The following ZFP64 variants were observed in gnomAD, a reference collection of about 807,000 sequenced individuals.
ZFP64 encodes zinc finger protein 64.
Under a neutral mutation model 51.6 loss-of-function variants are expected in ZFP64, and 14 were observed. That is an observed-to-expected ratio of 0.27 (90% CI 0.18 to 0.42). The LOEUF (loss-of-function observed/expected upper bound fraction) is 0.42, where lower values mean the gene tolerates loss of function less well. ZFP64 is among the 10% of genes least tolerant of loss of function. ZFP64 has a pLI of 1.00. For missense variants in ZFP64, 754 were observed against 906.8 expected, an observed-to-expected ratio of 0.83 and a Z score of 2.16; for synonymous variants, 375 against 361.4, an observed-to-expected ratio of 1.04 and a Z score of -0.43.
At chr20:52,146,863 C>CTTCCAGATAAGATATTA (rs531564063), downstream of ZFP64, among the ~76,000 whole-genome samples, 12 of 152,180 alleles carry the variant, frequency 7.9e-5, no homozygotes, top group South Asian at 2.5e-3. Context: ...TATTAGAAAA[C>CTTCCAGATAAGATATTA]GAAATCCAGC....
At chr20:52,116,908 A>G (rs1482438975) in intron 5 of ZFP64, among the ~76,000 whole-genome samples, 2 of 152,094 alleles carry the variant, frequency 1.3e-5, no homozygotes, top group Non-Finnish European at 2.9e-5. Context: ...TGCCTCTACT[A>G]AAAATACAAA....
rs1177006389 is a variant in ZFP64, at chr20:52,160,339, A to G, written c.547T>C (p.Cys183Arg). The G allele has an allele frequency of 5.6e-6, 9 of 1,614,116 alleles. No individual in the cohort carries two copies. The Admixed American group carries it at 1.5e-4, about 27-fold the overall frequency. The change falls in exon 5 of 6, where the codon TGC becomes CGC. Residue 183 changes from cysteine to arginine, a missense_variant. By Grantham distance (180) the Cys-to-Arg change is radical. Around this residue, in one of 3 missense-constraint regions of ZFP64, gnomAD observed 231 missense variants for 336.7 expected, o/e 0.69. Transcript: ENST00000216923. This position sits in a 1 kb window ranked among gnomAD's most constrained non-coding sequence, Gnocchi z 4.2. ...KPHKCEVCGK[C>R]FSRKDKLKTH... Reference sequence around the variant, plus strand: ...TTCAGCTTGTCTTTCCGGCTAAAGCACTTGCCACAGACTTCACACTTATGG... The same window carrying G: ...TTCAGCTTGTCTTTCCGGCTAAAGCGCTTGCCACAGACTTCACACTTATGG...
chr20:52,095,651 G>A (rs1452666058), intron 7 of ZFP64, among the ~76,000 whole-genome samples: 4 of 152,170 alleles, frequency 2.6e-5, no homozygotes, highest in Non-Finnish European at 5.9e-5. Flanking sequence ...AGGCGCGTCT[G>A]CTTACCTGAC....
intron 5 of ZFP64, among the ~76,000 whole-genome samples, chr20:52,111,405 G>C (rs1237572355): frequency 6.6e-6 from 1 of 151,672 alleles, no homozygotes; most frequent in Non-Finnish European, 1.5e-5. Flanking sequence ...TAGTAGAGAC[G>C]GGTTTCTCCA....
intron 5 of ZFP64, among the ~76,000 whole-genome samples, chr20:52,131,532 T>G (rs980230799): frequency 6.6e-6 from 1 of 152,128 alleles, no homozygotes; most frequent in South Asian, 2.1e-4. Flanking sequence ...AAAAAGATAT[T>G]CTATGCCAAT....
chr20:52,151,441 G>A lies in ZFP64; in HGVS notation c.*705C>T. On this transcript the variant is annotated 3_prime_UTR_variant, in exon 6 of 6. Transcript: ENST00000216923. Reference sequence around the variant, plus strand: ...AAACATGAACACCCCCAAACTCTGGGGAGTATTCCAGAATGGGGCAAAAGA... The same window carrying A: ...AAACATGAACACCCCCAAACTCTGGAGAGTATTCCAGAATGGGGCAAAAGA... 1 of 985,256 alleles carries A rather than the reference G, an allele frequency of 1.0e-6. No homozygotes were observed. Among genetic ancestry groups the A allele is most frequent in the South Asian group, 4.7e-5 (1 of 21,278 alleles). The allele number at this position is 985,256 out of a possible 1,614,324, so 61.0% of individuals were successfully genotyped here. A position where few individuals can be genotyped will look rare whatever the true frequency, so the allele number is the denominator to read the frequency against.
intron 2 of ZFP64, chr20:52,175,865 C>G: frequency 7.6e-5 from 51 of 675,248 alleles, no homozygotes; most frequent in Non-Finnish European, 8.4e-5. Context: ...CCCGCTGCCG[C>G]CCCCGCCCCC....
Position 52,141,541 on chromosome 20 carries a change from C to T in ZFP64, c.763+18582G>A, listed in dbSNP as rs8120974. Among the ~76,000 whole-genome samples, 613 of 152,086 alleles carry T rather than the reference C, an allele frequency of 4.0e-3. 6 individuals carry two copies. The highest frequency in any genetic ancestry group is 0.014 in the African/African-American group (572 of 41,496). On this transcript the variant is annotated intron_variant, in intron 5 of 8. Transcript: ENST00000361387. ...AAGACCTCAGTGGAGGAAGTAACTG[C>T]AGAGATGGTAGAGATTGCAAGAGAA... is the stretch of plus-strand genomic sequence containing the variant.
intron 5 of ZFP64, among the ~76,000 whole-genome samples, chr20:52,138,058 C>CATAAATAAAT (rs1568671772): frequency 1.0e-3 from 61 of 61,088 alleles, no homozygotes; most frequent in Non-Finnish European, 1.6e-3. Context: ...AATAAATAAG[C>CATAAATAAAT]AAGCCAGGCA....
chr20:52,159,990 C>G (rs1354989975), intron 5 of ZFP64, 133 bp downstream of exon 5: 2 of 1,475,386 alleles, frequency 1.4e-6, no homozygotes, highest in African/African-American at 2.8e-5. Context: ...CAAAAAAAAA[C>G]AAAACTGCAA....
chr20:52,104,918 G>A (rs1297261648), intron 5 of ZFP64: 3 of 662,278 alleles, frequency 4.5e-6, no homozygotes, highest in South Asian at 3.5e-5. Flanking sequence ...GTGGCTAGAG[G>A]AATCCAGGCG....
At chr20:52,140,958 A>G (rs1306709892) in intron 5 of ZFP64, among the ~76,000 whole-genome samples, 1 of 152,140 alleles carries the variant, frequency 6.6e-6, no homozygotes, top group East Asian at 1.9e-4. Flanking sequence ...CAAAAATCCT[A>G]AGGCCCTTAA....
chr20:52,125,422 C>T (rs1328660664), intron 5 of ZFP64, among the ~76,000 whole-genome samples: 1 of 152,190 alleles, frequency 6.6e-6, no homozygotes, highest in African/African-American at 2.4e-5. Flanking sequence ...AGGTGGCATA[C>T]TGGAACTGAT....
At chr20:52,118,484 C>T (rs1266622698) in intron 5 of ZFP64, among the ~76,000 whole-genome samples, 2 of 152,150 alleles carry the variant, frequency 1.3e-5, no homozygotes, top group Non-Finnish European at 2.9e-5. Flanking sequence ...AGAATGAATT[C>T]CCCATCCTTT....
rs528939905 is a variant in ZFP64, at chr20:52,101,922, T to C, written c.764-3335A>G. On this transcript the variant is annotated intron_variant, in intron 5 of 8. Transcript: ENST00000361387. ...CCATCCTGGCTAACACAGTGAAACC[T>C]GTCTCTACTAAAAATACCAAAAAAA... Among the ~76,000 whole-genome samples the C allele has an allele frequency of 2.1e-3, 292 of 138,528 alleles. 1 individual carries two copies. The highest frequency in any genetic ancestry group is 3.5e-3 in the Non-Finnish European group (230 of 65,492). The allele number at this position is 138,528 out of a possible 152,430, so 90.9% of individuals were successfully genotyped here. A position where few individuals can be genotyped will look rare whatever the true frequency, so the allele number is the denominator to read the frequency against.
chr20:52,084,720 T>C (rs770643497), exon 9 of ZFP64: 1 of 1,614,252 alleles, frequency 6.2e-7, no homozygotes, highest in Non-Finnish European at 8.5e-7. Flanking sequence ...CAGAGAGTCA[T>C]CCCTGACGAA....
chr20:52,086,735 C>G (rs1377860266), intron 8 of ZFP64, among the ~76,000 whole-genome samples: 3 of 152,166 alleles, frequency 2.0e-5, no homozygotes, highest in East Asian at 3.9e-4. Flanking sequence ...GCCTCAGCCT[C>G]CCAAAGTGCT....
At position 52,102,107 on chromosome 20, in the gene ZFP64, C is replaced by CAAAAAAAAAAAAAAAAAAAAAAAAAAAAA. The variant is rs34646115; in HGVS notation, c.764-3521_764-3520insTTTTTTTTTTTTTTTTTTTTTTTTTTTTT. On this transcript the variant is annotated intron_variant, in intron 5 of 8. Coordinates refer to the ZFP64 transcript ENST00000361387. ...AGCCTGGTGAGAGTAACTCCATCTC[C>CAAAAAAAAAAAAAAAAAAAAAAAAAAAAA]AAAAAAAAAAAAAAAAAAGGCAGCA... is the stretch of plus-strand genomic sequence containing the variant. Among the ~76,000 whole-genome samples, 87 of 63,386 alleles carry CAAAAAAAAAAAAAAAAAAAAAAAAAAAAA rather than the reference C, an allele frequency of 1.4e-3. 6 individuals are homozygous for CAAAAAAAAAAAAAAAAAAAAAAAAAAAAA. Among genetic ancestry groups the CAAAAAAAAAAAAAAAAAAAAAAAAAAAAA allele is most frequent in the Non-Finnish European group, 1.7e-3 (55 of 32,658 alleles). 41.6% of individuals were successfully genotyped at this position (63,386 alleles called of 152,430 possible). A position where few individuals can be genotyped will look rare whatever the true frequency, so the allele number is the denominator to read the frequency against.
At chr20:52,188,837 G>A (rs565734532) in intron 1 of ZFP64, among the ~76,000 whole-genome samples, 9 of 151,946 alleles carry the variant, frequency 5.9e-5, no homozygotes, top group Admixed American at 3.9e-4. Flanking sequence ...TTAGCCCGGC[G>A]TGGTGGCACA....
Sources: gnomAD v4.1 joint callset for allele counts (sites outside exome capture counted in the v4.1 genomes callset) on GRCh38, gnomAD v4.1.1 for gene constraint, gnomAD v4.1.1 regional missense constraint, Gnocchi (gnomAD v3.1) non-coding constraint, MANE v1.5 for transcripts, NCBI Gene and HGNC (gene_info 2026-07-23, HGNC 2026-07-21) for gene names.